The following NYAP2 variants were observed in gnomAD, a reference collection of about 807,000 sequenced individuals.
NYAP2 encodes the protein neuronal tyrosine-phosphorylated phosphoinositide-3-kinase adaptor 2.
Under a neutral mutation model 50.4 loss-of-function variants are expected in NYAP2, and 23 were observed. The ratio of observed to expected loss-of-function variants is 0.46; its 90% CI spans 0.33 to 0.65. The LOEUF (loss-of-function observed/expected upper bound fraction) is 0.65, where lower values mean the gene tolerates loss of function less well. Ranked by LOEUF, NYAP2 falls within the 30% of genes least tolerant of loss-of-function variation. The pLI is 0.02. For synonymous variants in NYAP2, 394 were observed against 365.2 expected, an observed-to-expected ratio of 1.08 and a Z score of -0.90; for missense variants, 885 against 861.0, an observed-to-expected ratio of 1.03 and a Z score of -0.35.
At chr2:225,699,062 A>G in the NYAP2 span, 2 of 151,944 alleles carry the variant, frequency 1.3e-5, no homozygotes, top group Non-Finnish European at 2.9e-5. Context: ...TGTTAAGAGC[A>G]TCTGTGCTTT....
At chr2:225,579,392 ATTGT>A (rs2106227444) in intron 4 of NYAP2, among the ~76,000 whole-genome samples, 1 of 152,298 alleles carries the variant, frequency 6.6e-6, no homozygotes, top group Admixed American at 6.5e-5. Flanking sequence ...TGTCATTGAA[ATTGT>A]TTGTAAATGG....
chr2:225,409,728 A>G (rs1444303689), intron 3 of NYAP2, among the ~76,000 whole-genome samples: 1 of 152,066 alleles, frequency 6.6e-6, no homozygotes, highest in Non-Finnish European at 1.5e-5. Flanking sequence ...TTGAGGTTAA[A>G]TTTCCTAGAG....
intron 3 of NYAP2, among the ~76,000 whole-genome samples, chr2:225,489,247 G>C (rs1690362487): frequency 6.6e-6 from 1 of 151,838 alleles, no homozygotes; most frequent in Non-Finnish European, 1.5e-5. Flanking sequence ...CTGGAGTGCA[G>C]TGATGATGCC....
intron 4 of NYAP2, among the ~76,000 whole-genome samples, chr2:225,538,220 C>G (rs546297439): frequency 6.6e-6 from 1 of 152,336 alleles, no homozygotes; most frequent in Non-Finnish European, 1.5e-5. Flanking sequence ...TCTCACAACT[C>G]CACTAGACAG....
At chr2:225,452,057 T>A (rs1203302677) in intron 3 of NYAP2, among the ~76,000 whole-genome samples, 1 of 152,162 alleles carries the variant, frequency 6.6e-6, no homozygotes, top group Non-Finnish European at 1.5e-5. Flanking sequence ...TAAAAGATGC[T>A]TAACACCAAT....
chr2:225,582,069 C>G lies in NYAP2; in HGVS notation c.652C>G (p.Arg218Gly). 1 of 1,614,052 alleles carries G rather than the reference C, an allele frequency of 6.2e-7. No individual in the cohort carries two copies. The highest frequency in any genetic ancestry group is 8.5e-7 in the Non-Finnish European group (1 of 1,179,906). The change falls in exon 5 of 7, where the codon CGG (arginine) becomes GGG (glycine). Residue 218 changes from arginine to glycine, a missense_variant. By Grantham distance (125) the Arg-to-Gly change is moderately radical. Transcript: ENST00000636099. This position sits in a 1 kb window ranked among gnomAD's most constrained non-coding sequence, Gnocchi z 7.0. Reference sequence around the variant, plus strand: ...AACGTACATCAAAAAGCATGGGCCCCGGAGGACGTCGCTGCCGCGGGACTC... The same window carrying G: ...AACGTACATCAAAAAGCATGGGCCCGGGAGGACGTCGCTGCCGCGGGACTC...
chr2:225,622,510 C>A (rs1324265206), intron 5 of NYAP2, among the ~76,000 whole-genome samples: 1 of 26,200 alleles, frequency 3.8e-5, no homozygotes, highest in East Asian at 1.8e-3. Context: ...TCTTTTCTTT[C>A]TTTCTTTCTT....
At chr2:225,547,893 C>T (rs1324073914) in intron 4 of NYAP2, among the ~76,000 whole-genome samples, 1 of 152,130 alleles carries the variant, frequency 6.6e-6, no homozygotes, top group East Asian at 1.9e-4. Context: ...CATCTTGCTC[C>T]ACCCTCAAGC....
chr2:225,409,128 T>C, intron 3 of NYAP2, 27 bp downstream of exon 3: 1 of 1,498,674 alleles, frequency 6.7e-7, no homozygotes, highest in Non-Finnish European at 9.1e-7. Flanking sequence ...TTATTTTGAG[T>C]TTTGTGCACA....
chr2:225,680,281 G>A, the NYAP2 span, among the ~76,000 whole-genome samples: 1 of 152,184 alleles, frequency 6.6e-6, no homozygotes, highest in African/African-American at 2.4e-5. Context: ...CTTAAGTTTA[G>A]AAGTATAGGA....
At chr2:225,612,399 C>A (rs1005860226) in intron 5 of NYAP2, among the ~76,000 whole-genome samples, 2 of 152,006 alleles carry the variant, frequency 1.3e-5, no homozygotes, top group African/African-American at 2.4e-5. Flanking sequence ...GATAGACTTG[C>A]ATTCATGTCC....
chr2:225,590,495 G>T (rs1692480345), intron 5 of NYAP2, among the ~76,000 whole-genome samples: 1 of 152,218 alleles, frequency 6.6e-6, no homozygotes, highest in East Asian at 1.9e-4. Context: ...AACTTTAGGG[G>T]TTAGGCCTGG....
intron 6 of NYAP2, among the ~76,000 whole-genome samples, chr2:225,649,129 G>A (rs1357573450): frequency 2.0e-5 from 3 of 152,106 alleles, no homozygotes; most frequent in African/African-American, 7.2e-5. Flanking sequence ...TAGGGGGTGA[G>A]AGCTAGCATT....
At chr2:225,511,105 A>G (rs1423669315) in intron 3 of NYAP2, among the ~76,000 whole-genome samples, 1 of 152,188 alleles carries the variant, frequency 6.6e-6, no homozygotes, top group Admixed American at 6.6e-5. Flanking sequence ...AATGAACAAA[A>G]GACATTAGGA....
chr2:225,466,988 T>C (rs1689928887), intron 3 of NYAP2, among the ~76,000 whole-genome samples: 1 of 152,154 alleles, frequency 6.6e-6, no homozygotes, highest in African/African-American at 2.4e-5. Flanking sequence ...AGTGGGTGAC[T>C]TGAAAGACAA....
intron 3 of NYAP2, among the ~76,000 whole-genome samples, chr2:225,442,785 AG>A (rs1443150697): frequency 6.6e-6 from 1 of 152,154 alleles, no homozygotes; most frequent in Non-Finnish European, 1.5e-5. Context: ...CATATTAGTC[AG>A]GCTGGTCTCG....
intron 3 of NYAP2, among the ~76,000 whole-genome samples, chr2:225,418,170 G>A (rs1695154509): frequency 1.3e-5 from 2 of 152,124 alleles, no homozygotes; most frequent in African/African-American, 4.8e-5. Context: ...AGATTTCTAA[G>A]GAAGAAGAAA....
chr2:225,511,618 G>A (rs1490303090), intron 3 of NYAP2, among the ~76,000 whole-genome samples: 1 of 152,104 alleles, frequency 6.6e-6, no homozygotes, highest in Non-Finnish European at 1.5e-5. Context: ...ATTTTGGGTT[G>A]AGTGGCAAGT....
At chr2:225,604,534 A>T (rs1212522354) in intron 5 of NYAP2, among the ~76,000 whole-genome samples, 1 of 152,118 alleles carries the variant, frequency 6.6e-6, no homozygotes, top group African/African-American at 2.4e-5. Context: ...TCCAGTTCTC[A>T]TATGTGCCCT....
Sources: allele counts gnomAD v4.1 joint callset (sites outside exome capture counted in the v4.1 genomes callset), GRCh38; gene constraint gnomAD v4.1.1; non-coding constraint Gnocchi (gnomAD v3.1); transcripts MANE v1.5; gene names NCBI Gene and HGNC (gene_info 2026-07-23, HGNC 2026-07-21).